The following FRK variants were observed in gnomAD, a reference collection of about 807,000 sequenced individuals.
FRK encodes fyn related Src family tyrosine kinase, also known as tyrosine-protein kinase FRK.
FRK carries 51 observed loss-of-function variants against 56.4 expected under a neutral mutation model. The observed-to-expected ratio is 0.90, with a 90% CI of 0.72 to 1.14. FRK has a LOEUF of 1.14. Ranked by LOEUF, FRK falls within the 50% of genes most tolerant of loss-of-function variation. The pLI, the probability that FRK is intolerant of heterozygous loss-of-function variation, is 0.00. For synonymous variants in FRK, 245 were observed against 217.9 expected, an observed-to-expected ratio of 1.12 and a Z score of -1.10; for missense variants, 570 against 601.4, an observed-to-expected ratio of 0.95 and a Z score of 0.55.
At position 115,935,923 on chromosome 6, in the gene FRK, A is replaced by G. The variant is rs1054128971; in HGVS notation, c.*6491T>C. 2 of 152,318 alleles carry G rather than the reference A, an allele frequency of 1.3e-5. No individual in the cohort carries two copies. The highest frequency in any genetic ancestry group is 2.9e-5 in the Non-Finnish European group (2 of 68,144). The allele number at this position is 152,318 out of a possible 1,614,324, so 9.4% of individuals were successfully genotyped here. Reference sequence around the variant, plus strand: ...GTGGATATGGGAGCAGCTTCAGCAGACTTAAATATCTCTGCCGGACAGCTC... The same window carrying G: ...GTGGATATGGGAGCAGCTTCAGCAGGCTTAAATATCTCTGCCGGACAGCTC... On this transcript the variant is annotated 3_prime_UTR_variant, in exon 8 of 8. Transcript: ENST00000606080.
the FRK span, among the ~76,000 whole-genome samples, chr6:116,068,349 GA>G: frequency 2.0e-5 from 3 of 150,772 alleles, no homozygotes; most frequent in African/African-American, 7.3e-5. Context: ...GGAATTTAAA[GA>G]AAAGCAATGA....
chr6:116,000,057 A>T (rs1270048328), intron 2 of FRK, among the ~76,000 whole-genome samples: 1 of 152,174 alleles, frequency 6.6e-6, no homozygotes, highest in Non-Finnish European at 1.5e-5. Flanking sequence ...AGCACATAAC[A>T]GCCAATATCC....
At chr6:116,042,860 A>C (rs1776776991) in intron 1 of FRK, among the ~76,000 whole-genome samples, 2 of 152,204 alleles carry the variant, frequency 1.3e-5, no homozygotes, top group Non-Finnish European at 1.5e-5. Context: ...GCAAAGACAC[A>C]TACAGGCTCA....
intron 2 of FRK, among the ~76,000 whole-genome samples, chr6:115,995,841 T>C (rs1211506417): frequency 6.6e-6 from 1 of 152,150 alleles, no homozygotes; most frequent in Non-Finnish European, 1.5e-5. Context: ...TTATCATTGG[T>C]AATGTTCAGA....
rs1292667514 is a variant in FRK at position 115,938,534 on chromosome 6, G to A, written c.*3880C>T. The A allele has an allele frequency of 1.3e-5, 2 of 152,086 alleles. No individual in the cohort carries two copies. Among genetic ancestry groups the A allele is most frequent in the Non-Finnish European group, 2.9e-5 (2 of 68,028 alleles). 9.4% of individuals were successfully genotyped at this position (152,086 alleles called of 1,614,324 possible). A position where few individuals can be genotyped will look rare whatever the true frequency, so the allele number is the denominator to read the frequency against. ...ACCTTTCAAAAAATCAATGAATCCAGGATCTGATTTTTTGAAAAGATCAAC... is the reference window on the plus strand; with the variant it reads ...ACCTTTCAAAAAATCAATGAATCCAAGATCTGATTTTTTGAAAAGATCAAC... On this transcript the variant is annotated 3_prime_UTR_variant, in exon 8 of 8. Transcript: ENST00000606080.
chr6:115,934,985 C>G lies in FRK; in HGVS notation c.*7429G>C, dbSNP rs1386384832. ...TCATAACCAAGTTTGGACATTATTCCTAGCCTCTAGTTCTGAAATAGAGTT... is the reference window on the plus strand; with the variant it reads ...TCATAACCAAGTTTGGACATTATTCGTAGCCTCTAGTTCTGAAATAGAGTT... On this transcript the variant is annotated 3_prime_UTR_variant, in exon 8 of 8. Coordinates refer to ENST00000606080, the MANE Select transcript of FRK (RefSeq NM_002031.3). 1 of 151,998 alleles carries G rather than the reference C, an allele frequency of 6.6e-6. No homozygotes were observed. Among genetic ancestry groups the G allele is most frequent in the Non-Finnish European group, 1.5e-5 (1 of 68,034 alleles). The allele number at this position is 151,998 out of a possible 1,614,324, so 9.4% of individuals were successfully genotyped here.
rs553800607 is a variant in FRK at position 115,973,424 on chromosome 6, G to A, written c.467-4685C>T. ...GGCCTGTTGGGGGATGTGGGATTAA[G>A]GGTGGGATAGCATTAGGAGAAATAC... On this transcript the variant is annotated intron_variant, in intron 2 of 7. Transcript: ENST00000606080. 1.9e-3 allele frequency among the ~76,000 whole-genome samples: 292 copies of A among 152,290 alleles called. 1 individual carries two copies. Among genetic ancestry groups the A allele is most frequent in the Admixed American group, 5.0e-3 (76 of 15,300 alleles).
chr6:115,990,386 C>T (rs1417374020), intron 2 of FRK, among the ~76,000 whole-genome samples: 1 of 151,784 alleles, frequency 6.6e-6, no homozygotes, highest in East Asian at 1.9e-4. Flanking sequence ...CCTAGGTTTT[C>T]CTATAGGACT....
At chr6:115,967,262 C>A (rs1003937439) in intron 4 of FRK, among the ~76,000 whole-genome samples, 3 of 152,052 alleles carry the variant, frequency 2.0e-5, no homozygotes, top group African/African-American at 7.2e-5. Flanking sequence ...AGGCTAGGAA[C>A]AAAATGGGAA....
At chr6:115,955,629 T>A (rs1219526679) in intron 5 of FRK, among the ~76,000 whole-genome samples, 1 of 152,210 alleles carries the variant, frequency 6.6e-6, no homozygotes, top group African/African-American at 2.4e-5. Flanking sequence ...ACCAGCTTCA[T>A]AAGTCATCCT....
chr6:116,006,983 T>G (rs1027541195), intron 1 of FRK, among the ~76,000 whole-genome samples: 1 of 152,218 alleles, frequency 6.6e-6, no homozygotes, highest in Non-Finnish European at 1.5e-5. Flanking sequence ...TATGAATACA[T>G]GCATGTTTAG....
intron 1 of FRK, among the ~76,000 whole-genome samples, chr6:116,046,634 G>C (rs1776973977): frequency 6.6e-6 from 1 of 152,104 alleles, no homozygotes; most frequent in South Asian, 2.1e-4. Context: ...CCTGCAGGGG[G>C]GTAGGGGGCT....
In FRK at chr6:115,971,506, C is replaced by CT. The variant is rs1295901285; in HGVS notation, c.467-2768_467-2767insA. On this transcript the variant is annotated intron_variant, in intron 2 of 7. Transcript: ENST00000606080. ...ATCAACCACAATAATGCAAACAATACACAGAAAAGCACAACTAATAATTAA... is the reference window on the plus strand; with the variant it reads ...ATCAACCACAATAATGCAAACAATACTACAGAAAAGCACAACTAATAATTAA... 2.0e-5 allele frequency among the ~76,000 whole-genome samples: 3 copies of CT among 152,286 alleles called. No homozygotes were observed. The East Asian group carries it at 5.8e-4, about 29-fold the overall frequency.
chr6:116,013,222 C>T (rs1157938813), intron 1 of FRK, among the ~76,000 whole-genome samples: 1 of 152,028 alleles, frequency 6.6e-6, no homozygotes, highest in Non-Finnish European at 1.5e-5. Context: ...AATCCACTTC[C>T]CTGAGTCTGG....
intron 1 of FRK, among the ~76,000 whole-genome samples, chr6:116,014,609 C>T (rs1443604376): frequency 6.6e-6 from 1 of 150,644 alleles, no homozygotes; most frequent in African/African-American, 2.4e-5. Flanking sequence ...CAGATAATTC[C>T]ATGTGGAAAC....
chr6:115,942,402 C>T lies in FRK; in HGVS notation c.*12G>A. 1.3e-6 allele frequency: 2 copies of T among 1,592,996 alleles called. No homozygotes were observed. The highest frequency in any genetic ancestry group is 2.2e-5 in the South Asian group (2 of 90,296). On this transcript the variant is annotated 3_prime_UTR_variant, in exon 8 of 8. Transcript: ENST00000606080. ...TTTTGCTACTTTATTATTTGATATT[C>T]TTCTCCAGTGTTCATCTTATGAAGT...
intron 4 of FRK, among the ~76,000 whole-genome samples, chr6:115,957,272 G>T (rs1044747835): frequency 6.6e-6 from 1 of 152,270 alleles, no homozygotes; most frequent in South Asian, 2.1e-4. Context: ...CAATATTAAG[G>T]CCTATTTAGA....
rs546760814 is a variant in FRK at position 115,956,932 on chromosome 6, G to A, written c.800-322C>T. 2.7e-3 allele frequency among the ~76,000 whole-genome samples: 409 copies of A among 152,288 alleles called. 2 individuals carry two copies. Among genetic ancestry groups the A allele is most frequent in the African/African-American group, 9.4e-3 (391 of 41,568 alleles). On this transcript the variant is annotated intron_variant, in intron 4 of 7. Coordinates refer to ENST00000606080, the MANE Select transcript of FRK (RefSeq NM_002031.3). Reference sequence around the variant, plus strand: ...AAAACAAGGCATCTTAACACAAAAGGAAAACATTCTATGAACACGAGCGCT... The same window carrying A: ...AAAACAAGGCATCTTAACACAAAAGAAAAACATTCTATGAACACGAGCGCT...
At chr6:116,097,575 C>T in the FRK span, among the ~76,000 whole-genome samples, 1 of 152,124 alleles carries the variant, frequency 6.6e-6, no homozygotes, top group African/African-American at 2.4e-5. Flanking sequence ...CTTAAGCTAG[C>T]TAATCACAAG....
Sources: gnomAD v4.1 joint callset for allele counts (sites outside exome capture counted in the v4.1 genomes callset) on GRCh38, gnomAD v4.1.1 for gene constraint, MANE v1.5 for transcripts, NCBI Gene and HGNC (gene_info 2026-07-23, HGNC 2026-07-21) for gene names.